AGBL1: variants seen among roughly 807,000 people sequenced by gnomAD.
AGBL1 encodes cytosolic carboxypeptidase 4.
In AGBL1, 130 loss-of-function variants were observed where a neutral mutation model predicts 118.9. That is an observed-to-expected ratio of 1.09 (90% CI 0.95 to 1.26). The LOEUF is 1.26. Ranked by LOEUF, AGBL1 falls within the 50% of genes most tolerant of loss-of-function variation. AGBL1 has a pLI of 0.00. For missense variants in AGBL1, 1,584 were observed against 1,298.1 expected, an observed-to-expected ratio of 1.22 and a Z score of -3.38; for synonymous variants, 555 against 478.9, an observed-to-expected ratio of 1.16 and a Z score of -2.08.
Position 86,667,861 on chromosome 15 carries a change from G to A in AGBL1, c.2995-6412G>A, listed in dbSNP as rs552679965. Among the ~76,000 whole-genome samples, 1,042 of 152,270 alleles carry A rather than the reference G, an allele frequency of 6.8e-3. 8 individuals are homozygous for A. Among genetic ancestry groups the A allele is most frequent in the East Asian group, 0.025 (129 of 5,176 alleles). ...TTGTGTTAGTTTTGTATTGCTGTAA[G>A]GGAATACCTGAGAGTGAGTAATTTA... On this transcript the variant is annotated intron_variant, in intron 21 of 22. Coordinates refer to ENST00000614907, the MANE Select transcript of AGBL1 (RefSeq NM_001386094.1).
At chr15:86,859,975 A>C (rs148381579) in intron 22 of AGBL1, among the ~76,000 whole-genome samples, 234 of 152,336 alleles carry the variant, frequency 1.5e-3, no homozygotes, top group African/African-American at 5.4e-3. Context: ...TTAAATCTGA[A>C]GTTGAAACTA....
chr15:86,424,677 T>TA (rs2081841868), intron 18 of AGBL1, among the ~76,000 whole-genome samples: 1 of 152,116 alleles, frequency 6.6e-6, no homozygotes, highest in South Asian at 2.1e-4. Context: ...ACAAGGAACT[T>TA]AAACAAATTT....
At chr15:86,378,964 G>A (rs2081075511) in intron 17 of AGBL1, among the ~76,000 whole-genome samples, 1 of 151,304 alleles carries the variant, frequency 6.6e-6, no homozygotes, top group South Asian at 2.1e-4. Context: ...CCAGGCTGGA[G>A]TGCAATGGAG....
intron 5 of AGBL1, among the ~76,000 whole-genome samples, chr15:86,189,797 C>A (rs961208026): frequency 6.6e-6 from 1 of 152,146 alleles, no homozygotes; most frequent in Admixed American, 6.6e-5. Flanking sequence ...CCCAGTCTCA[C>A]GTCTTCCTTT....
chr15:87,014,434 A>C (rs2081590361), intron 24 of AGBL1, among the ~76,000 whole-genome samples: 1 of 152,214 alleles, frequency 6.6e-6, no homozygotes, highest in African/African-American at 2.4e-5. Flanking sequence ...GACACAAGTG[A>C]GAGTGACTGC....
chr15:86,309,247 G>T (rs1379364218), intron 17 of AGBL1, among the ~76,000 whole-genome samples: 1 of 152,044 alleles, frequency 6.6e-6, no homozygotes, highest in Non-Finnish European at 1.5e-5. Flanking sequence ...GCTGATTTTT[G>T]TATGTTAAAT....
chr15:86,540,577 ACT>A (rs1362702241), intron 19 of AGBL1, among the ~76,000 whole-genome samples: 1 of 151,636 alleles, frequency 6.6e-6, no homozygotes, highest in East Asian at 1.9e-4. Context: ...TCTGAGTGAG[ACT>A]CTGTCTTAAA....
chr15:86,614,746 A>G (rs1474315869), intron 21 of AGBL1, among the ~76,000 whole-genome samples: 2 of 152,220 alleles, frequency 1.3e-5, no homozygotes, highest in African/African-American at 4.8e-5. Context: ...AACTCCAAGT[A>G]AGTGCTCAAA....
At chr15:86,563,615 G>A (rs1277387431) in intron 21 of AGBL1, among the ~76,000 whole-genome samples, 4 of 151,976 alleles carry the variant, frequency 2.6e-5, no homozygotes, top group South Asian at 4.2e-4. Context: ...CTGTTGATTT[G>A]GGGTGGATGG....
intron 22 of AGBL1, among the ~76,000 whole-genome samples, chr15:86,803,708 C>G (rs1023744057): frequency 6.6e-6 from 1 of 152,024 alleles, no homozygotes; most frequent in Non-Finnish European, 1.5e-5. Context: ...TCCTAAAAGT[C>G]TTGAAGGAAA....
chr15:86,493,753 C>T (rs2082812616), intron 18 of AGBL1, among the ~76,000 whole-genome samples: 1 of 152,074 alleles, frequency 6.6e-6, no homozygotes. Context: ...ACAGACACAT[C>T]TCTAAACATC....
chr15:86,355,803 T>G (rs956606391), intron 17 of AGBL1, among the ~76,000 whole-genome samples: 1 of 152,200 alleles, frequency 6.6e-6, no homozygotes, highest in Admixed American at 6.5e-5. Flanking sequence ...CCTATCCTTT[T>G]CTCACAGTGA....
chr15:86,223,002 T>C (rs1253338956), intron 5 of AGBL1, among the ~76,000 whole-genome samples: 3 of 152,154 alleles, frequency 2.0e-5, no homozygotes, highest in Non-Finnish European at 4.4e-5. Flanking sequence ...TGCGTTTCTA[T>C]CTGGCTTTCA....
chr15:86,322,372 CTAAT>C (rs1471958960), intron 17 of AGBL1, among the ~76,000 whole-genome samples: 4 of 151,738 alleles, frequency 2.6e-5, no homozygotes, highest in African/African-American at 9.7e-5. Flanking sequence ...CTGTATTTTT[CTAAT>C]TAATTGTAAC....
At chr15:86,578,084 G>A (rs776552645) in intron 21 of AGBL1, among the ~76,000 whole-genome samples, 8 of 152,152 alleles carry the variant, frequency 5.3e-5, no homozygotes, top group African/African-American at 1.9e-4. Context: ...TGCACCGTGT[G>A]CCTGGAAAAG....
intron 1 of AGBL1, chr15:86,083,420 A>T (rs191634466): frequency 6.6e-6 from 1 of 152,348 alleles, no homozygotes; most frequent in East Asian, 1.9e-4. Flanking sequence ...CTGCACTGTG[A>T]TATGGGCACA....
intron 1 of AGBL1, among the ~76,000 whole-genome samples, chr15:86,094,313 A>G (rs1269240122): frequency 5.9e-5 from 9 of 152,162 alleles, no homozygotes; most frequent in Admixed American, 3.3e-4. Flanking sequence ...CATTGAGTTA[A>G]ATATTCTAAC....
chr15:86,867,413 CAT>C (rs1473052116), intron 22 of AGBL1, among the ~76,000 whole-genome samples: 3 of 152,160 alleles, frequency 2.0e-5, no homozygotes, highest in Non-Finnish European at 2.9e-5. Flanking sequence ...TTTTGTGGTA[CAT>C]GTTTCCACTT....
chr15:86,331,454 G>T (rs2080267425), intron 17 of AGBL1, among the ~76,000 whole-genome samples: 1 of 151,982 alleles, frequency 6.6e-6, no homozygotes. Context: ...ATCCAGAGAA[G>T]ACCTGCAAGA....
Sources: allele counts gnomAD v4.1 joint callset (sites outside exome capture counted in the v4.1 genomes callset), GRCh38; gene constraint gnomAD v4.1.1; transcripts MANE v1.5; gene names NCBI Gene and HGNC (gene_info 2026-07-23, HGNC 2026-07-21).